Variants in MCU observed in about 807,000 individuals in gnomAD.
MCU encodes the protein calcium uniporter protein, mitochondrial.
In MCU, 12 loss-of-function variants were observed where a neutral mutation model predicts 45.2. That is an observed-to-expected ratio of 0.27 (90% CI 0.17 to 0.43). The LOEUF (loss-of-function observed/expected upper bound fraction) is 0.43, where lower values mean the gene tolerates loss of function less well. Ranked by LOEUF, MCU falls within the 20% of genes least tolerant of loss-of-function variation. The pLI is 1.00. For synonymous variants in MCU, 160 were observed against 165.1 expected (o/e 0.97, Z 0.24); for missense variants, 324 against 436.7 (o/e 0.74, Z 2.30).
chr10:72,864,746 A>G (rs535591433), intron 4 of MCU, among the ~76,000 whole-genome samples: 1 of 152,336 alleles, frequency 6.6e-6, no homozygotes, highest in South Asian at 2.1e-4. Flanking sequence ...GTAAGACATT[A>G]TCGAATCAGA....
chr10:72,832,724 C>G (rs1219585632), intron 1 of MCU, among the ~76,000 whole-genome samples: 1 of 152,136 alleles, frequency 6.6e-6, no homozygotes, highest in Non-Finnish European at 1.5e-5. Context: ...ACATGTATTA[C>G]TCATTTAGTC....
intron 1 of MCU, among the ~76,000 whole-genome samples, chr10:72,740,845 A>G (rs1843318486): frequency 6.6e-6 from 1 of 152,234 alleles, no homozygotes; most frequent in Non-Finnish European, 1.5e-5. Context: ...AGATGAGAGC[A>G]TGGTTCTGAG....
At chr10:72,768,768 G>GT (rs1221698223) in intron 1 of MCU, among the ~76,000 whole-genome samples, 2 of 152,008 alleles carry the variant, frequency 1.3e-5, no homozygotes, top group Non-Finnish European at 2.9e-5. Flanking sequence ...GAAAAACTTA[G>GT]TTTTTTAAAA....
At chr10:72,707,594 G>A (rs999228957) in intron 1 of MCU, among the ~76,000 whole-genome samples, 5 of 144,514 alleles carry the variant, frequency 3.5e-5, no homozygotes, top group South Asian at 2.2e-4. Context: ...TGAAGAGGTG[G>A]TCGTGGTGAG....
intron 1 of MCU, among the ~76,000 whole-genome samples, chr10:72,785,025 C>A (rs1844051202): frequency 6.6e-6 from 1 of 152,190 alleles, no homozygotes; most frequent in South Asian, 2.1e-4. Context: ...TAGGCTTCTA[C>A]ATAGTACAGG....
In MCU at chr10:72,692,199, G is replaced by GGGC. The variant is rs753160618; in HGVS notation, c.60_62dup (p.Gly22dup). 25 of 1,262,124 alleles carry GGGC rather than the reference G, an allele frequency of 2.0e-5. No individual in the cohort carries two copies. Among genetic ancestry groups the GGGC allele is most frequent in the African/African-American group, 1.2e-4 (8 of 64,756 alleles). 78.2% of individuals were successfully genotyped at this position (1,262,124 alleles called of 1,614,324 possible). A position where few individuals can be genotyped will look rare whatever the true frequency, so the allele number is the denominator to read the frequency against. ...CGCTCCTGCTGCTCCTCTCCTCTCG[G>GGGC]GGCGGCGGCGGCGGGGGCGCCGGCG... On this transcript the variant is annotated inframe_insertion, in exon 1 of 8. Coordinates refer to ENST00000373053, the MANE Select transcript of MCU (RefSeq NM_138357.3).
At chr10:72,736,208 G>A (rs558140048) in intron 1 of MCU, among the ~76,000 whole-genome samples, 1 of 152,204 alleles carries the variant, frequency 6.6e-6, no homozygotes, top group African/African-American at 2.4e-5. Flanking sequence ...GCCATTGGAA[G>A]ACTGATTTGC....
intron 1 of MCU, among the ~76,000 whole-genome samples, chr10:72,728,545 A>C (rs1358226640): frequency 6.6e-6 from 1 of 152,214 alleles, no homozygotes. Context: ...GTATTTCAGT[A>C]GAGGGAACAA....
chr10:72,860,397 A>G (rs756494725), intron 3 of MCU, 26 bp from the exon 4 acceptor site: 1 of 1,583,350 alleles, frequency 6.3e-7, no homozygotes, highest in Non-Finnish European at 8.7e-7. Context: ...TGGACCTATG[A>G]CAAGTTTCAT....
At chr10:72,739,666 T>A (rs1843298924) in intron 1 of MCU, among the ~76,000 whole-genome samples, 1 of 152,086 alleles carries the variant, frequency 6.6e-6, no homozygotes, top group Non-Finnish European at 1.5e-5. Flanking sequence ...GTAGGCTTGG[T>A]ATATGAAGTT....
At chr10:72,739,417 A>G (rs560926340) in intron 1 of MCU, among the ~76,000 whole-genome samples, 4 of 152,256 alleles carry the variant, frequency 2.6e-5, no homozygotes, top group Non-Finnish European at 5.9e-5. Flanking sequence ...TATAAAAGTC[A>G]GACTATATAT....
At chr10:72,767,753 G>A (rs889385365) in intron 1 of MCU, among the ~76,000 whole-genome samples, 1 of 152,078 alleles carries the variant, frequency 6.6e-6, no homozygotes, top group Non-Finnish European at 1.5e-5. Context: ...TCCCTTTTTG[G>A]GGGGATGACT....
intron 1 of MCU, among the ~76,000 whole-genome samples, chr10:72,765,362 C>T (rs570953317): frequency 3.3e-4 from 50 of 152,060 alleles, no homozygotes; most frequent in South Asian, 2.1e-3. Flanking sequence ...TTTTATTAGC[C>T]TTTTGTTCTT....
intron 1 of MCU, among the ~76,000 whole-genome samples, chr10:72,780,169 C>G (rs1453171457): frequency 6.6e-6 from 1 of 152,020 alleles, no homozygotes; most frequent in African/African-American, 2.4e-5. Context: ...TGATAAGAAG[C>G]CAGTCACAAA....
intron 1 of MCU, among the ~76,000 whole-genome samples, chr10:72,767,887 T>A (rs1843750553): frequency 6.6e-6 from 1 of 152,188 alleles, no homozygotes; most frequent in South Asian, 2.1e-4. Flanking sequence ...GAGTTTAATT[T>A]TGGGATAAAT....
At chr10:72,727,170 T>C (rs1303056873) in intron 1 of MCU, among the ~76,000 whole-genome samples, 1 of 152,154 alleles carries the variant, frequency 6.6e-6, no homozygotes, top group East Asian at 1.9e-4. Context: ...AAGATAAATA[T>C]AGAGCACCAG....
At chr10:72,742,022 CAAAAAAAAAAA>C (rs59028044) in intron 1 of MCU, among the ~76,000 whole-genome samples, 4 of 72,888 alleles carry the variant, frequency 5.5e-5, no homozygotes, top group Admixed American at 3.9e-4. Flanking sequence ...GACTCCGTCT[CAAAAAAAAAAA>C]AAAAAAAAAA....
chr10:72,697,262 G>A (rs563303342), intron 1 of MCU, among the ~76,000 whole-genome samples: 2 of 151,538 alleles, frequency 1.3e-5, no homozygotes, highest in Admixed American at 6.6e-5. Context: ...GCATATAGGC[G>A]TGTGCCACCA....
rs973598795 is a variant in MCU, at chr10:72,857,347, C to G, written c.221-1830C>G. On this transcript the variant is annotated intron_variant, in intron 2 of 7. Transcript: ENST00000373053. ...CTCCACCTCCTGGGTTGAAGTGATTCTCCTGCCTCAGCCTCCCGAGTAGCT... is the reference window on the plus strand; with the variant it reads ...CTCCACCTCCTGGGTTGAAGTGATTGTCCTGCCTCAGCCTCCCGAGTAGCT... Among the ~76,000 whole-genome samples, 5 of 151,766 alleles carry G rather than the reference C, an allele frequency of 3.3e-5. No homozygotes were observed. The East Asian group carries it at 9.7e-4, about 29-fold the overall frequency.
Sources: allele counts gnomAD v4.1 joint callset (sites outside exome capture counted in the v4.1 genomes callset), GRCh38; gene constraint gnomAD v4.1.1; transcripts MANE v1.5; gene names NCBI Gene and HGNC (gene_info 2026-07-23, HGNC 2026-07-21).